CEP162: variants seen among roughly 807,000 people sequenced by gnomAD.
CEP162 encodes the protein centrosomal protein of 162 kDa.
Under a neutral mutation model 169.2 loss-of-function variants are expected in CEP162, and 141 were observed. The observed-to-expected ratio is 0.83, with a 90% confidence interval of 0.73 to 0.96. CEP162 has a LOEUF of 0.96. Ranked by LOEUF, CEP162 falls within the 40% of genes least tolerant of loss-of-function variation. CEP162 has a pLI of 0.00. For missense variants in CEP162, 1,600 were observed against 1,587.2 expected (o/e 1.01, Z -0.14); for synonymous variants, 540 against 526.4 (o/e 1.03, Z -0.35).
chr6:84,167,727 A>C (rs2099528392), intron 18 of CEP162, among the ~76,000 whole-genome samples: 1 of 152,200 alleles, frequency 6.6e-6, no homozygotes, highest in Non-Finnish European at 1.5e-5. Context: ...CTAAACACAA[A>C]TGAGGCAGAA....
chr6:84,129,771 G>C (rs1293532687), intron 25 of CEP162, among the ~76,000 whole-genome samples: 5 of 152,058 alleles, frequency 3.3e-5, no homozygotes, highest in Admixed American at 3.3e-4. Context: ...GAGATGATGG[G>C]GTTTTCTAAA....
chr6:84,189,472 C>T (rs1362820476), intron 11 of CEP162, among the ~76,000 whole-genome samples: 2 of 152,228 alleles, frequency 1.3e-5, no homozygotes, highest in East Asian at 3.9e-4. Context: ...AGCAGCCAGC[C>T]AGCCCTGCTG....
intron 25 of CEP162, among the ~76,000 whole-genome samples, chr6:84,130,769 T>C (rs2099511020): frequency 1.3e-5 from 2 of 152,096 alleles, no homozygotes; most frequent in African/African-American, 4.8e-5. Flanking sequence ...TTAATTTGGC[T>C]AGTGGTCTAT....
intron 5 of CEP162, 80 bp downstream of exon 5, chr6:84,215,202 C>A: frequency 4.6e-6 from 3 of 647,652 alleles, no homozygotes; most frequent in Non-Finnish European, 7.1e-6. Context: ...TAATGTTTAC[C>A]TATTTAAAAT....
In CEP162 at chr6:84,225,371, A is replaced by C. The variant is rs554108753; in HGVS notation, c.57+966T>G. Among the ~76,000 whole-genome samples the C allele has an allele frequency of 2.0e-3, 312 of 152,322 alleles. 1 individual carries two copies. The highest frequency in any genetic ancestry group is 7.2e-3 in the African/African-American group (300 of 41,576). ...TGCAGGCAACTGTAACACAATGGCA[A>C]GCATTTCTGTATCTAAACATAGAAA... On this transcript the variant is annotated intron_variant, in intron 2 of 26. Transcript: ENST00000403245.
Position 84,155,330 on chromosome 6 carries a change from G to A in CEP162, c.2962C>T (p.Arg988Cys), listed in dbSNP as rs112278322. The A allele has an allele frequency of 7.0e-4, 1,124 of 1,613,470 alleles. 7 individuals carry two copies. In the African/African-American group the frequency reaches 0.012, roughly 17 times the overall value. The part of the protein sequence containing the change: ...GKDEDAKKSL[R>C]TMEQQFQKMK... Reference sequence around the variant, plus strand: ...TTCTGAAACTGTTGTTCCATGGTACGAAGGCTTTTCTTTGCATCTTCATCT... The same window carrying A: ...TTCTGAAACTGTTGTTCCATGGTACAAAGGCTTTTCTTTGCATCTTCATCT... Residue 988 changes from arginine (R) to cysteine (C), a missense_variant, in exon 22 of 27, where the codon CGT (arginine) becomes TGT (cysteine). Transcript: ENST00000403245.
chr6:84,175,047 TTAA>T lies in CEP162; in HGVS notation c.1798-96_1798-94del, dbSNP rs1462014766. ...TAAAAAAAGAATAAAAAGGACATGG[TTAA>T]TAATGTTCTATTATATAAGAAAATT... On this transcript the variant is annotated intron_variant, in intron 14 of 26. Coordinates refer to ENST00000403245, the MANE Select transcript of CEP162 (RefSeq NM_014895.4). 3.1e-6 allele frequency: 3 copies of T among 961,490 alleles called. No homozygotes were observed. The African/African-American group carries it at 5.0e-5, about 16-fold the overall frequency. 59.6% of individuals were successfully genotyped at this position (961,490 alleles called of 1,614,324 possible).
At chr6:84,183,607 G>A (rs2127710166) in intron 13 of CEP162, among the ~76,000 whole-genome samples, 1 of 152,220 alleles carries the variant, frequency 6.6e-6, no homozygotes, top group East Asian at 1.9e-4. Context: ...TGCACATTGT[G>A]TCACACTCCA....
At chr6:84,204,994 G>A (rs2127737468) in intron 6 of CEP162, among the ~76,000 whole-genome samples, 1 of 152,144 alleles carries the variant, frequency 6.6e-6, no homozygotes, top group Middle Eastern at 3.4e-3. Context: ...ATAAATCCTG[G>A]ACACATACAC....
At chr6:84,214,203 C>T (rs1365702526) in intron 5 of CEP162, among the ~76,000 whole-genome samples, 8 of 152,154 alleles carry the variant, frequency 5.3e-5, no homozygotes, top group African/African-American at 1.2e-4. Flanking sequence ...GGTGTGATCC[C>T]GGGAGGTGGA....
intron 23 of CEP162, 50 bp from the exon 24 acceptor site, chr6:84,149,753 C>G (rs2099520407): frequency 7.1e-7 from 1 of 1,415,236 alleles, no homozygotes; most frequent in Admixed American, 2.7e-5. Context: ...TCTTCAACCT[C>G]TAATTCAGAG....
chr6:84,130,821 T>C (rs2099511042), intron 25 of CEP162, among the ~76,000 whole-genome samples: 1 of 151,968 alleles, frequency 6.6e-6, no homozygotes, highest in South Asian at 2.1e-4. Context: ...AATTCACTGA[T>C]TTTTTTTGAA....
chr6:84,216,665 A>C (rs927032520), intron 3 of CEP162, among the ~76,000 whole-genome samples: 1 of 152,228 alleles, frequency 6.6e-6, no homozygotes, highest in African/African-American at 2.4e-5. Flanking sequence ...GATATTTCTT[A>C]GACATTATTA....
chr6:84,159,144 A>G (rs1424133948), intron 21 of CEP162, among the ~76,000 whole-genome samples: 1 of 151,738 alleles, frequency 6.6e-6, no homozygotes, highest in Non-Finnish European at 1.5e-5. Context: ...AATATGTATT[A>G]AGTTTTAAAA....
chr6:84,161,641 A>C lies in CEP162; in HGVS notation c.2676+105T>G. 3.7e-6 allele frequency: 3 copies of C among 811,572 alleles called. No homozygotes were observed. In the South Asian group the frequency reaches 5.0e-5, roughly 13 times the overall value. 50.3% of individuals were successfully genotyped at this position (811,572 alleles called of 1,614,324 possible). ...AACCACCGATCTTAATTAATAGTTC[A>C]GATCTTAATTAATTAATGATGCAAT... On this transcript the variant is annotated intron_variant, in intron 20 of 26. Coordinates refer to ENST00000403245, the MANE Select transcript of CEP162 (RefSeq NM_014895.4).
intron 6 of CEP162, among the ~76,000 whole-genome samples, chr6:84,207,121 T>G (rs1304245020): frequency 6.6e-6 from 1 of 152,164 alleles, no homozygotes; most frequent in East Asian, 1.9e-4. Flanking sequence ...ACACTGTTGG[T>G]AGAAGTGTAA....
At chr6:84,137,106 C>A (rs1375242984) in intron 25 of CEP162, among the ~76,000 whole-genome samples, 1 of 152,194 alleles carries the variant, frequency 6.6e-6, no homozygotes. Flanking sequence ...TCATACCTGG[C>A]AGGTGGTATG....
At chr6:84,201,856 C>T (rs1242779896) in intron 7 of CEP162, 89 bp from the exon 8 acceptor site, 1 of 673,304 alleles carries the variant, frequency 1.5e-6, no homozygotes, top group African/African-American at 1.9e-5. Flanking sequence ...ATCTGAAATC[C>T]AGGGCTTTTT....
At chr6:84,227,408 C>G (rs913665538) in intron 1 of CEP162, among the ~76,000 whole-genome samples, 172 bp downstream of exon 1, 2 of 152,202 alleles carry the variant, frequency 1.3e-5, no homozygotes, top group Non-Finnish European at 2.9e-5. Flanking sequence ...GCGACCCCGT[C>G]CCCAGAAGCG....
Sources: gnomAD v4.1 joint callset for allele counts (sites outside exome capture counted in the v4.1 genomes callset) on GRCh38, gnomAD v4.1.1 for gene constraint, MANE v1.5 for transcripts, NCBI Gene and HGNC (gene_info 2026-07-23, HGNC 2026-07-21) for gene names.